Variants in PTPRQ observed in about 807,000 individuals in gnomAD.
PTPRQ encodes phosphatidylinositol phosphatase PTPRQ.
PTPRQ carries 199 observed loss-of-function variants against 246.0 expected under a neutral mutation model. The observed-to-expected ratio is 0.81, with a 90% confidence interval of 0.72 to 0.91. The LOEUF (loss-of-function observed/expected upper bound fraction) is 0.91, where lower values mean the gene tolerates loss of function less well. Ranked by LOEUF, PTPRQ falls within the 40% of genes least tolerant of loss-of-function variation. The pLI is 0.00. For synonymous variants in PTPRQ, 869 were observed against 853.2 expected, an observed-to-expected ratio of 1.02 and a Z score of -0.32; for missense variants, 2,624 against 2,528.4, an observed-to-expected ratio of 1.04 and a Z score of -0.81.
At chr12:80,462,896 A>G in intron 6 of PTPRQ, 1 of 135,746 alleles carries the variant, frequency 7.4e-6, no homozygotes, top group Admixed American at 7.8e-5. Context: ...CCAAAAGTAG[A>G]TAAAACCACA....
At chr12:80,587,092 A>G (rs1175926044) in intron 25 of PTPRQ, among the ~76,000 whole-genome samples, 1 of 152,142 alleles carries the variant, frequency 6.6e-6, no homozygotes, top group Non-Finnish European at 1.5e-5. Flanking sequence ...GTAAATTTTC[A>G]GGGGCAGGAA....
At chr12:80,620,940 T>G (rs2121133975) in intron 32 of PTPRQ, among the ~76,000 whole-genome samples, 1 of 152,058 alleles carries the variant, frequency 6.6e-6, no homozygotes, top group South Asian at 2.1e-4. Context: ...CTGTATTAAA[T>G]TATTTGCTAA....
chr12:80,678,559 T>TTCA, intron 43 of PTPRQ, 43 bp from the exon 44 acceptor site: 3 of 1,506,216 alleles, frequency 2.0e-6, no homozygotes. Flanking sequence ...TATGAAACTC[T>TTCA]TCATCAATAT....
intron 35 of PTPRQ, among the ~76,000 whole-genome samples, chr12:80,636,556 C>T (rs982970410): frequency 2.6e-4 from 40 of 152,110 alleles, no homozygotes; most frequent in African/African-American, 8.9e-4. Context: ...CTGTGTGGCC[C>T]ATCCCTTTAT....
chr12:80,505,932 G>GTAA, intron 14 of PTPRQ, 92 bp from the exon 15 acceptor site: 1 of 1,354,124 alleles, frequency 7.4e-7, no homozygotes, highest in Non-Finnish European at 9.8e-7. Flanking sequence ...AGGTTCAATT[G>GTAA]TAAATAACCT....
intron 9 of PTPRQ, among the ~76,000 whole-genome samples, chr12:80,489,975 TG>T (rs1894394049): frequency 1.6e-5 from 1 of 62,490 alleles, no homozygotes; most frequent in African/African-American, 3.5e-5. Flanking sequence ...CGTTTGTCAC[TG>T]GTGAATGTAA....
chr12:80,626,881 G>A (rs1172175395), intron 33 of PTPRQ, among the ~76,000 whole-genome samples: 1 of 152,014 alleles, frequency 6.6e-6, no homozygotes, highest in Non-Finnish European at 1.5e-5. Flanking sequence ...TCACAGATAA[G>A]CATGTGTTGC....
chr12:80,618,895 T>C (rs1384710741), intron 30 of PTPRQ, among the ~76,000 whole-genome samples: 6 of 151,444 alleles, frequency 4.0e-5, no homozygotes, highest in African/African-American at 1.5e-4. Context: ...TGCATGACTA[T>C]TTATGTATTT....
At chr12:80,501,620 G>A (rs376209837) in intron 14 of PTPRQ, among the ~76,000 whole-genome samples, 3 of 151,960 alleles carry the variant, frequency 2.0e-5, no homozygotes, top group Non-Finnish European at 4.4e-5. Flanking sequence ...AGGGGGAGAC[G>A]TTAAGAAGCT....
intron 25 of PTPRQ, chr12:80,561,138 T>A (rs975623454): frequency 6.6e-6 from 1 of 152,214 alleles, no homozygotes; most frequent in African/African-American, 2.4e-5. Context: ...TCCCTAATTT[T>A]ATCTTCTTGG....
chr12:80,466,845 C>T (rs1286958095), intron 6 of PTPRQ, among the ~76,000 whole-genome samples: 2 of 152,020 alleles, frequency 1.3e-5, no homozygotes, highest in Non-Finnish European at 2.9e-5. Context: ...ATACCTTATA[C>T]AAAAATCAAT....
chr12:80,446,352 T>C (rs1892553112), intron 3 of PTPRQ, among the ~76,000 whole-genome samples: 1 of 151,584 alleles, frequency 6.6e-6, no homozygotes, highest in Non-Finnish European at 1.5e-5. Flanking sequence ...TTAGTAAAAA[T>C]AATTTTGCCA....
At chr12:80,511,137 CAT>C (rs1309385233) in intron 17 of PTPRQ, among the ~76,000 whole-genome samples, 4 of 152,146 alleles carry the variant, frequency 2.6e-5, no homozygotes, top group Non-Finnish European at 5.9e-5. Flanking sequence ...CTTCGTAAAA[CAT>C]AGCCATTTCC....
At chr12:80,444,593 TTACAATAA>T in intron 1 of PTPRQ, 140 bp from the exon 2 acceptor site, 1 of 710,768 alleles carries the variant, frequency 1.4e-6, no homozygotes, top group Non-Finnish European at 2.4e-6. Context: ...TATTTGTATC[TTACAATAA>T]TATGGAACTT....
intron 14 of PTPRQ, among the ~76,000 whole-genome samples, chr12:80,497,426 AT>A (rs1487261876): frequency 6.6e-6 from 1 of 152,054 alleles, no homozygotes; most frequent in Non-Finnish European, 1.5e-5. Context: ...TCAGGCAGTA[AT>A]TCAGGCGATA....
intron 33 of PTPRQ, among the ~76,000 whole-genome samples, chr12:80,625,438 C>T (rs1592731266): frequency 2.0e-5 from 3 of 152,226 alleles, no homozygotes; most frequent in Middle Eastern, 6.8e-3. Context: ...AGCACTAAGC[C>T]GAGTTGCCTG....
chr12:80,470,520 T>C (rs952461357), intron 7 of PTPRQ, among the ~76,000 whole-genome samples: 1 of 152,158 alleles, frequency 6.6e-6, no homozygotes, highest in Non-Finnish European at 1.5e-5. Context: ...CCATTGACTA[T>C]GTAAGTTGAG....
intron 33 of PTPRQ, among the ~76,000 whole-genome samples, chr12:80,630,739 G>T (rs960750509): frequency 2.0e-5 from 3 of 151,948 alleles, no homozygotes; most frequent in Non-Finnish European, 4.4e-5. Flanking sequence ...ATTTTGAGCT[G>T]GTGTTTTGCT....
rs77573699 is a variant in PTPRQ, at chr12:80,471,787, C to T, written c.1040-318C>T. On this transcript the variant is annotated intron_variant, in intron 7 of 44. Coordinates refer to ENST00000644991, the MANE Select transcript of PTPRQ (RefSeq NM_001145026.2). ...TAAATTTGAGTATAAAATCTGGTCA[C>T]TTTTTGAACTGATAAAATTTGATGC... 0.23 allele frequency among the ~76,000 whole-genome samples: 35,141 copies of T among 151,818 alleles called. 4,568 individuals are homozygous for T. Among genetic ancestry groups the T allele is most frequent in the African/African-American group, 0.34 (14,091 of 41,348 alleles).
Sources: gnomAD v4.1 joint callset for allele counts (sites outside exome capture counted in the v4.1 genomes callset) on GRCh38, gnomAD v4.1.1 for gene constraint, MANE v1.5 for transcripts, NCBI Gene and HGNC (gene_info 2026-07-23, HGNC 2026-07-21) for gene names.